The following PLPP4 variants were observed in gnomAD, a reference collection of about 807,000 sequenced individuals.
PLPP4 encodes the protein phospholipid phosphatase 4.
Under a neutral mutation model 32.2 loss-of-function variants are expected in PLPP4, and 20 were observed. That is an observed-to-expected ratio of 0.62 (90% confidence interval 0.44 to 0.90). The LOEUF (loss-of-function observed/expected upper bound fraction) is 0.90, where lower values mean the gene tolerates loss of function less well. Among genes scored for constraint, PLPP4 ranks in the 40% least tolerant of loss-of-function variants. The pLI is 0.00. For missense variants in PLPP4, 257 were observed against 353.1 expected (o/e 0.73, Z 2.18); for synonymous variants, 127 against 133.0 (o/e 0.95, Z 0.31).
intron 5 of PLPP4, among the ~76,000 whole-genome samples, chr10:120,548,563 G>A (rs1256408479): frequency 6.6e-6 from 1 of 152,090 alleles, no homozygotes; most frequent in East Asian, 1.9e-4. Context: ...CTTTATGGTA[G>A]AACAATTTAT....
intron 6 of PLPP4, among the ~76,000 whole-genome samples, chr10:120,585,958 C>T (rs1245183881): frequency 6.6e-6 from 1 of 152,194 alleles, no homozygotes; most frequent in Non-Finnish European, 1.5e-5. Context: ...ACAGCTACTG[C>T]TCAGTCACAC....
At chr10:120,503,031 G>T (rs890414333) in intron 1 of PLPP4, among the ~76,000 whole-genome samples, 5 of 152,150 alleles carry the variant, frequency 3.3e-5, no homozygotes, top group Non-Finnish European at 5.9e-5. Context: ...TCTCTTGTAG[G>T]GACAGCTGCC....
intron 6 of PLPP4, among the ~76,000 whole-genome samples, chr10:120,584,740 T>C (rs1184103220): frequency 1.3e-5 from 2 of 152,230 alleles, no homozygotes; most frequent in African/African-American, 4.8e-5. Context: ...AAGTAAGTTA[T>C]TGTTTGGATC....
intron 1 of PLPP4, chr10:120,503,490 C>T: frequency 6.5e-7 from 1 of 1,536,448 alleles, no homozygotes; most frequent in Non-Finnish European, 8.8e-7. Flanking sequence ...ATGCTGCTGC[C>T]CTGGCCTTGC....
chr10:120,500,119 G>T (rs1845172300), intron 1 of PLPP4, among the ~76,000 whole-genome samples: 1 of 152,322 alleles, frequency 6.6e-6, no homozygotes, highest in East Asian at 1.9e-4. Context: ...GATATAATTT[G>T]CTTGATAGAT....
At position 120,518,861 on chromosome 10, in the gene PLPP4, A is replaced by G. The variant is rs1846039899; in HGVS notation, c.285A>G (p.Gly95=). 5 of 1,612,810 alleles carry G rather than the reference A, an allele frequency of 3.1e-6. No homozygotes were observed. Among genetic ancestry groups the G allele is most frequent in the Admixed American group, 3.3e-5 (2 of 59,916 alleles). Residue 95 remains glycine, a synonymous_variant, in exon 4 of 7, where the codon GGA becomes GGG. Transcript: ENST00000398250. ...LAVSLALALN[G]VCTNTIKLIV... ...TGTCCTTGGCTCTTGCTTTGAATGG[A>G]GTCTGCACAAACACTATTAAATTAA...
intron 5 of PLPP4, among the ~76,000 whole-genome samples, chr10:120,536,585 A>T (rs1190395677): frequency 6.6e-6 from 1 of 151,264 alleles, no homozygotes; most frequent in Non-Finnish European, 1.5e-5. Flanking sequence ...ACCATCAAAC[A>T]CCTAGAAGAA....
intron 5 of PLPP4, among the ~76,000 whole-genome samples, chr10:120,549,639 T>C (rs1478731479): frequency 6.6e-6 from 1 of 151,918 alleles, no homozygotes; most frequent in Non-Finnish European, 1.5e-5. Flanking sequence ...TCAAGATAAG[T>C]CCAACAATAC....
At chr10:120,487,035 C>T (rs1173273718) in intron 1 of PLPP4, among the ~76,000 whole-genome samples, 1 of 152,214 alleles carries the variant, frequency 6.6e-6, no homozygotes, top group African/African-American at 2.4e-5. Context: ...AATGAGATAA[C>T]GAGGAGGAAG....
At chr10:120,503,349 C>A (rs375543646) in intron 1 of PLPP4, among the ~76,000 whole-genome samples, 1 of 152,204 alleles carries the variant, frequency 6.6e-6, no homozygotes, top group Non-Finnish European at 1.5e-5. Flanking sequence ...CTGCCCCTTT[C>A]TTCCCCCCAG....
rs545187677 is a variant in PLPP4 at position 120,505,628 on chromosome 10, A to G, written c.165+1702A>G. Among the ~76,000 whole-genome samples, 9 of 152,378 alleles carry G rather than the reference A, an allele frequency of 5.9e-5. No homozygotes were observed. In the South Asian group the frequency reaches 6.2e-4, roughly 11 times the overall value. Reference sequence around the variant, plus strand: ...GGAAATGCCCATAATGCCAGCGAGCATTAAAGTATTATTTTAATTGCTTCT... The same window carrying G: ...GGAAATGCCCATAATGCCAGCGAGCGTTAAAGTATTATTTTAATTGCTTCT... On this transcript the variant is annotated intron_variant, in intron 2 of 6. Transcript: ENST00000398250.
intron 5 of PLPP4, among the ~76,000 whole-genome samples, chr10:120,546,537 C>G (rs1168728172): frequency 6.6e-6 from 1 of 152,116 alleles, no homozygotes; most frequent in Non-Finnish European, 1.5e-5. Context: ...TCTCTCCTAC[C>G]CATTTGAGAA....
chr10:120,552,177 T>C (rs1847936702), intron 5 of PLPP4, among the ~76,000 whole-genome samples: 1 of 147,662 alleles, frequency 6.8e-6, no homozygotes, highest in South Asian at 2.1e-4. Context: ...TGTGTGTGTG[T>C]GTGTGTGTGT....
chr10:120,518,596 G>C (rs1324428952), intron 3 of PLPP4, among the ~76,000 whole-genome samples: 1 of 152,182 alleles, frequency 6.6e-6, no homozygotes, highest in Admixed American at 6.5e-5. Context: ...AAGGAGGAGA[G>C]ATAAATTTCA....
intron 6 of PLPP4, among the ~76,000 whole-genome samples, chr10:120,582,563 T>G (rs2134075882): frequency 9.2e-6 from 1 of 108,350 alleles, no homozygotes; most frequent in African/African-American, 3.0e-5. Flanking sequence ...CTTCAGCATA[T>G]CTTTCAAAAG....
At chr10:120,509,388 A>G (rs1261260223) in intron 2 of PLPP4, among the ~76,000 whole-genome samples, 1 of 152,034 alleles carries the variant, frequency 6.6e-6, no homozygotes, top group Admixed American at 6.6e-5. Context: ...TTTTTTTTGT[A>G]CAGAGCTCTG....
intron 6 of PLPP4, among the ~76,000 whole-genome samples, chr10:120,584,469 C>A (rs1849662337): frequency 6.6e-6 from 1 of 152,220 alleles, no homozygotes; most frequent in Admixed American, 6.5e-5. Flanking sequence ...ACCCCTGATA[C>A]GTATGCAGTG....
At chr10:120,528,165 G>C (rs564377034) in intron 5 of PLPP4, among the ~76,000 whole-genome samples, 32 of 137,684 alleles carry the variant, frequency 2.3e-4, no homozygotes, top group African/African-American at 8.0e-4. Flanking sequence ...AGCTCCGCCT[G>C]CCGGGTTCAC....
At chr10:120,570,991 G>A (rs1248958857) in intron 5 of PLPP4, among the ~76,000 whole-genome samples, 3 of 151,992 alleles carry the variant, frequency 2.0e-5, no homozygotes, top group Non-Finnish European at 4.4e-5. Flanking sequence ...ACAATCAGCT[G>A]CTACAAATAA....
Sources: gnomAD v4.1 joint callset for allele counts (sites outside exome capture counted in the v4.1 genomes callset) on GRCh38, gnomAD v4.1.1 for gene constraint, MANE v1.5 for transcripts, NCBI Gene and HGNC (gene_info 2026-07-23, HGNC 2026-07-21) for gene names.